Variants in VPS41 observed in about 807,000 individuals in gnomAD.
The protein encoded by VPS41 is VPS41 subunit of HOPS complex.
Under a neutral mutation model 130.9 loss-of-function variants are expected in VPS41, and 85 were observed. The ratio of observed to expected loss-of-function variants is 0.65; its 90% CI spans 0.55 to 0.78. The LOEUF (loss-of-function observed/expected upper bound fraction) is 0.78. Among genes scored for constraint, VPS41 ranks in the 30% least tolerant of loss-of-function variants. The pLI is 0.00. For missense variants in VPS41, 874 were observed against 1,018.7 expected, an observed-to-expected ratio of 0.86 and a Z score of 1.93; for synonymous variants, 335 against 332.9, an observed-to-expected ratio of 1.01 and a Z score of -0.07.
chr7:38,887,373 G>A (rs529643815), intron 2 of VPS41, among the ~76,000 whole-genome samples: 3 of 152,120 alleles, frequency 2.0e-5, no homozygotes, highest in Non-Finnish European at 4.4e-5. Context: ...TGAGAACTTC[G>A]TAAAGCATAC....
intron 4 of VPS41, among the ~76,000 whole-genome samples, chr7:38,840,228 T>C (rs758524918): frequency 6.6e-6 from 1 of 152,172 alleles, no homozygotes; most frequent in Non-Finnish European, 1.5e-5. Flanking sequence ...ATAAACACTG[T>C]TGAGTAAAAA....
chr7:38,784,273 T>A (rs893786679), intron 10 of VPS41, among the ~76,000 whole-genome samples: 2 of 152,190 alleles, frequency 1.3e-5, no homozygotes, highest in African/African-American at 4.8e-5. Context: ...TTGACTAAAG[T>A]CACTTAAGTG....
rs148012263 is a variant in VPS41 at position 38,816,691 on chromosome 7, T to C, written c.450+1126A>G. ...CAGACAGATTCTTTAATTTGAGAAT[T>C]TACTACATCTATAAACAGAAAAATG... On this transcript the variant is annotated intron_variant, in intron 7 of 28. Coordinates refer to ENST00000310301, the MANE Select transcript of VPS41 (RefSeq NM_014396.4). Among the ~76,000 whole-genome samples the C allele has an allele frequency of 9.4e-3, 1,429 of 152,366 alleles. 6 individuals are homozygous for C. Among genetic ancestry groups the C allele is most frequent in the Non-Finnish European group, 0.015 (988 of 68,032 alleles).
rs1795488006 is a variant in VPS41 at position 38,724,024 on chromosome 7, A to G, written c.*2222T>C. 1 of 152,230 alleles carries G rather than the reference A, an allele frequency of 6.6e-6. No individual in the cohort carries two copies. The highest frequency in any genetic ancestry group is 6.5e-5 in the Admixed American group (1 of 15,294). The allele number at this position is 152,230 out of a possible 1,614,324, so 9.4% of individuals were successfully genotyped here. A position where few individuals can be genotyped will look rare whatever the true frequency, so the allele number is the denominator to read the frequency against. On this transcript the variant is annotated 3_prime_UTR_variant, in exon 29 of 29. Coordinates refer to ENST00000310301, the MANE Select transcript of VPS41 (RefSeq NM_014396.4). ...GTGTTTTTTATTAACGATAAAATCTATATTGTTCAGGAATTTTCCAGTGTG... is the reference window on the plus strand; with the variant it reads ...GTGTTTTTTATTAACGATAAAATCTGTATTGTTCAGGAATTTTCCAGTGTG...
At chr7:38,882,185 T>G (rs1001122458) in intron 2 of VPS41, among the ~76,000 whole-genome samples, 1 of 152,152 alleles carries the variant, frequency 6.6e-6, no homozygotes, top group East Asian at 1.9e-4. Flanking sequence ...GCCTCACTTT[T>G]GCAGATCCAA....
chr7:38,795,939 AT>A (rs1312173386), intron 8 of VPS41, among the ~76,000 whole-genome samples: 2 of 152,224 alleles, frequency 1.3e-5, no homozygotes, highest in African/African-American at 4.8e-5. Flanking sequence ...TCGTTCCACC[AT>A]GAAAAATGAA....
intron 22 of VPS41, 86 bp downstream of exon 22, chr7:38,752,090 G>T (rs1584374647): frequency 4.5e-6 from 7 of 1,562,012 alleles, no homozygotes; most frequent in Non-Finnish European, 3.5e-6. Flanking sequence ...GATGAACAGA[G>T]ATAGAAAGAG....
At chr7:38,874,634 A>G (rs1047551136) in intron 2 of VPS41, among the ~76,000 whole-genome samples, 3 of 152,238 alleles carry the variant, frequency 2.0e-5, no homozygotes, top group Non-Finnish European at 4.4e-5. Context: ...AGCTAGATAC[A>G]ATAGGGAAAC....
At chr7:38,846,249 G>C (rs551752638) in intron 4 of VPS41, among the ~76,000 whole-genome samples, 16 of 152,326 alleles carry the variant, frequency 1.1e-4, no homozygotes, top group Non-Finnish European at 1.8e-4. Context: ...GCAAACCATT[G>C]TTTATATGGC....
rs112468126 is a variant in VPS41 at position 38,726,125 on chromosome 7, T to C, written c.*121A>G. On this transcript the variant is annotated 3_prime_UTR_variant, in exon 29 of 29. Transcript: ENST00000310301. ...TACAGGAATAGATGAAGAAATTGTT[T>C]TTGAGTATAATATAAACATAAACAA... 10,458 of 680,930 alleles carry C rather than the reference T, an allele frequency of 0.015. 137 individuals carry two copies. Among genetic ancestry groups the C allele is most frequent in the African/African-American group, 0.049 (2,723 of 55,512 alleles). The allele number at this position is 680,930 out of a possible 1,614,324, so 42.2% of individuals were successfully genotyped here.
In VPS41 at chr7:38,796,705, C is replaced by T. The variant is rs185755764; in HGVS notation, c.570+40G>A. 13 of 1,612,484 alleles carry T rather than the reference C, an allele frequency of 8.1e-6. No individual in the cohort carries two copies. In the East Asian group the frequency reaches 2.7e-4, roughly 33 times the overall value. ...CCTATCAAGTTGGCCATTCTTCTGC[C>T]ACTGAACAAGCATTAGGAAGACAGA... On this transcript the variant is annotated intron_variant, in intron 8 of 28. Coordinates refer to ENST00000310301, the MANE Select transcript of VPS41 (RefSeq NM_014396.4).
In VPS41 at chr7:38,789,828, C is replaced by A; in HGVS notation, c.757G>T (p.Asp253Tyr). ...VKERHASEMRDLPSRYVEIVS... is the reference protein window; with the variant it reads ...VKERHASEMRYLPSRYVEIVS... The stretch of plus-strand genomic sequence containing the variant: ...ATTTCAACATATCGACTTGGCAAAT[C>A]CCTCATTTCACTGGCATGCCGTTCC... Residue 253 changes from aspartate to tyrosine, a missense_variant, in exon 10 of 29, where the codon GAT (aspartate) becomes TAT (tyrosine). Coordinates refer to ENST00000310301, the MANE Select transcript of VPS41 (RefSeq NM_014396.4). 6.2e-7 allele frequency: 1 copy of A among 1,613,776 alleles called. No individual in the cohort carries two copies. The highest frequency in any genetic ancestry group is 8.5e-7 in the Non-Finnish European group (1 of 1,179,750).
intron 5 of VPS41, among the ~76,000 whole-genome samples, chr7:38,824,049 T>C (rs1785223346): frequency 6.6e-6 from 1 of 152,212 alleles, no homozygotes; most frequent in African/African-American, 2.4e-5. Context: ...AGGAGGTTCC[T>C]GAATCATGGG....
intron 2 of VPS41, among the ~76,000 whole-genome samples, chr7:38,869,539 T>A (rs1383623922): frequency 6.6e-6 from 1 of 152,196 alleles, no homozygotes; most frequent in Non-Finnish European, 1.5e-5. Flanking sequence ...TACGGCTTCA[T>A]AAACTATTCT....
chr7:38,752,280 T>C lies in VPS41; in HGVS notation c.1822A>G (p.Lys608Glu). ...LHKLFKRDHH[K>E]GQRYHEKQIS... Reference sequence around the variant, plus strand: ...TGTTTTTCATGGTAACGCTGCCCCTTATGGTGGTCTCTCTTGAAAAGCTTA... The same window carrying C: ...TGTTTTTCATGGTAACGCTGCCCCTCATGGTGGTCTCTCTTGAAAAGCTTA... The change falls in exon 22 of 29, where the codon AAG becomes GAG. Residue 608 changes from lysine to glutamate, a missense_variant. Physicochemically the swap from Lys to Glu is moderately conservative, Grantham distance 56. Coordinates refer to ENST00000310301, the MANE Select transcript of VPS41 (RefSeq NM_014396.4). 3.1e-6 allele frequency: 5 copies of C among 1,613,922 alleles called. No individual in the cohort carries two copies. Among genetic ancestry groups the C allele is most frequent in the Non-Finnish European group, 4.2e-6 (5 of 1,179,844 alleles).
chr7:38,906,139 T>TA (rs1342007826), intron 1 of VPS41, among the ~76,000 whole-genome samples: 1 of 152,042 alleles, frequency 6.6e-6, no homozygotes, highest in African/African-American at 2.4e-5. Context: ...AAAAAAATGG[T>TA]ATAATAAAGC....
At chr7:38,846,236 A>G (rs1356436950) in intron 4 of VPS41, among the ~76,000 whole-genome samples, 1 of 152,224 alleles carries the variant, frequency 6.6e-6, no homozygotes, top group African/African-American at 2.4e-5. Context: ...AACACATTAC[A>G]TTGCAAACCA....
intron 7 of VPS41, among the ~76,000 whole-genome samples, chr7:38,815,666 G>T (rs1482751766): frequency 6.6e-6 from 1 of 152,116 alleles, no homozygotes; most frequent in Non-Finnish European, 1.5e-5. Flanking sequence ...ATCTGCATGG[G>T]CACAATCTAA....
Position 38,770,427 on chromosome 7 carries a change from A to AT in VPS41, c.1185+770dup, listed in dbSNP as rs534243287. Among the ~76,000 whole-genome samples the AT allele has an allele frequency of 7.0e-3, 1,012 of 143,936 alleles. 8 individuals are homozygous for AT. The highest frequency in any genetic ancestry group is 0.021 in the African/African-American group (818 of 39,246). 94.4% of individuals were successfully genotyped at this position (143,936 alleles called of 152,430 possible). A position where few individuals can be genotyped will look rare whatever the true frequency, so the allele number is the denominator to read the frequency against. ...GCTTATTCTCCACAATTTTGGCTGG[A>AT]TTTTTTTTTTTTTTAAGATGCTCTG... On this transcript the variant is annotated intron_variant, in intron 14 of 28. Coordinates refer to ENST00000310301, the MANE Select transcript of VPS41 (RefSeq NM_014396.4).
Sources: allele counts gnomAD v4.1 joint callset (sites outside exome capture counted in the v4.1 genomes callset), GRCh38; gene constraint gnomAD v4.1.1; transcripts MANE v1.5; gene names NCBI Gene and HGNC (gene_info 2026-07-23, HGNC 2026-07-21).